The following KCNJ8 variants were observed in gnomAD, a reference collection of about 807,000 sequenced individuals.
KCNJ8 encodes potassium inwardly rectifying channel subfamily J member 8, also known as ATP-sensitive inward rectifier potassium channel 8.
In KCNJ8, 13 loss-of-function variants were observed where a neutral mutation model predicts 28.2. That is an observed-to-expected ratio of 0.46 (90% confidence interval 0.30 to 0.73). KCNJ8 has a LOEUF of 0.73. Among genes scored for constraint, KCNJ8 ranks in the 30% least tolerant of loss-of-function variants. The pLI, the probability that KCNJ8 is intolerant of heterozygous loss-of-function variation, is 0.07. For missense variants in KCNJ8, 284 were observed against 542.6 expected (o/e 0.52, Z 4.73); for synonymous variants, 188 against 195.9 (o/e 0.96, Z 0.34).
chr12:21,772,259 A>G (rs1459295876), intron 2 of KCNJ8, among the ~76,000 whole-genome samples: 3 of 152,182 alleles, frequency 2.0e-5, no homozygotes, highest in Non-Finnish European at 2.9e-5. Context: ...TGCTTTGTGA[A>G]TTATGTGAAT....
At chr12:21,768,452 G>C (rs1238125306) in intron 2 of KCNJ8, among the ~76,000 whole-genome samples, 1 of 152,182 alleles carries the variant, frequency 6.6e-6, no homozygotes, top group Non-Finnish European at 1.5e-5. Context: ...CCTATTCCCT[G>C]AGACACAGCA....
chr12:21,773,497 G>T lies in KCNJ8; in HGVS notation c.120C>A (p.Ser40Arg). The T allele has an allele frequency of 6.2e-7, 1 of 1,614,260 alleles. No individual in the cohort carries two copies. The highest frequency in any genetic ancestry group is 8.5e-7 in the Non-Finnish European group (1 of 1,180,050). The change falls in exon 2 of 3, where the codon AGC (serine) becomes AGA (arginine). Residue 40 changes from serine (S) to arginine (R), a missense_variant. Ser to Arg is a moderately radical substitution (Grantham distance 110). Around this residue, in one of 8 missense-constraint regions of KCNJ8, gnomAD observed 54 missense variants for 77.5 expected, o/e 0.70. Coordinates refer to ENST00000240662, the MANE Select transcript of KCNJ8 (RefSeq NM_004982.4). The surrounding 1 kb of genome is among the most constrained non-coding windows in gnomAD (Gnocchi z 4.6). ...RLPKARFIAK[S>R]GACNLAHKNI... ...TCTTATGCGCCAGGTTGCAGGCCCCGCTCTTGGCGATGAAGCGGGCTTTGG... is the reference window on the plus strand; with the variant it reads ...TCTTATGCGCCAGGTTGCAGGCCCCTCTCTTGGCGATGAAGCGGGCTTTGG...
At position 21,773,501 on chromosome 12, in the gene KCNJ8, T is replaced by A; in HGVS notation, c.116A>T (p.Lys39Met). 1.9e-6 allele frequency: 3 copies of A among 1,614,280 alleles called. No homozygotes were observed. The highest frequency in any genetic ancestry group is 2.5e-6 in the Non-Finnish European group (3 of 1,180,046). ...ATGCGCCAGGTTGCAGGCCCCGCTC[T>A]TGGCGATGAAGCGGGCTTTGGGGAG... Reference protein sequence around the residue: ...DRLPKARFIAKSGACNLAHKN... With the variant: ...DRLPKARFIAMSGACNLAHKN... The change falls in exon 2 of 3, where the codon AAG becomes ATG. Residue 39 changes from lysine (K) to methionine (M), a missense_variant. Around this residue, in one of 8 missense-constraint regions of KCNJ8, gnomAD observed 54 missense variants for 77.5 expected, o/e 0.70. Coordinates refer to ENST00000240662, the MANE Select transcript of KCNJ8 (RefSeq NM_004982.4). This position sits in a 1 kb window ranked among gnomAD's most constrained non-coding sequence, Gnocchi z 4.6.
At position 21,773,175 on chromosome 12, in the gene KCNJ8, G is replaced by C; in HGVS notation, c.374+68C>G. 6 of 1,527,328 alleles carry C rather than the reference G, an allele frequency of 3.9e-6. No individual in the cohort carries two copies. Among genetic ancestry groups the C allele is most frequent in the Non-Finnish European group, 5.4e-6 (6 of 1,111,044 alleles). The allele number at this position is 1,527,328 out of a possible 1,614,324, so 94.6% of individuals were successfully genotyped here. Reference sequence around the variant, plus strand: ...TTTCAATTAAATAACAGAATGATAAGAGAAAGGGCATTTTGACATTTTTTC... The same window carrying C: ...TTTCAATTAAATAACAGAATGATAACAGAAAGGGCATTTTGACATTTTTTC... On this transcript the variant is annotated intron_variant, in intron 2 of 2. Coordinates refer to ENST00000240662, the MANE Select transcript of KCNJ8 (RefSeq NM_004982.4). This position sits in a 1 kb window ranked among gnomAD's most constrained non-coding sequence, Gnocchi z 4.6.
At chr12:21,771,437 T>G (rs1303260503) in intron 2 of KCNJ8, among the ~76,000 whole-genome samples, 2 of 152,186 alleles carry the variant, frequency 1.3e-5, no homozygotes, top group Non-Finnish European at 2.9e-5. Context: ...TATTGGTCTA[T>G]TTTTTGACTC....
chr12:21,774,235 T>G (rs1940833974), intron 1 of KCNJ8, among the ~76,000 whole-genome samples: 1 of 152,102 alleles, frequency 6.6e-6, no homozygotes, highest in African/African-American at 2.4e-5. Flanking sequence ...AATTTATAAG[T>G]TATAAGAATT....
Position 21,766,343 on chromosome 12 carries a change from T to A in KCNJ8, c.655A>T (p.Met219Leu). Residue 219 changes from methionine to leucine, a missense_variant, in exon 3 of 3, where the codon ATG becomes TTG. By Grantham distance (15) the Met-to-Leu change is conservative. Coordinates refer to ENST00000240662, the MANE Select transcript of KCNJ8 (RefSeq NM_004982.4). This position sits in a 1 kb window ranked among gnomAD's most constrained non-coding sequence, Gnocchi z 6.5. ...MFRVGDLRKS[M>L]IISASVRIQV... ...ATGCGCACAGAGGCACTAATGATCA[T>A]GCTTTTCCTCAGGTCACCCACTCGG... The A allele has an allele frequency of 6.2e-7, 1 of 1,614,214 alleles. No individual in the cohort carries two copies. The highest frequency in any genetic ancestry group is 8.5e-7 in the Non-Finnish European group (1 of 1,180,038).
At chr12:21,767,967 T>G (rs1053580851) in intron 2 of KCNJ8, among the ~76,000 whole-genome samples, 3 of 152,094 alleles carry the variant, frequency 2.0e-5, no homozygotes, top group Non-Finnish European at 2.9e-5. Flanking sequence ...ATATTTGATG[T>G]CATTATTGTA....
chr12:21,771,397 AG>A (rs1251013012), intron 2 of KCNJ8, among the ~76,000 whole-genome samples: 1 of 152,226 alleles, frequency 6.6e-6, no homozygotes, highest in Non-Finnish European at 1.5e-5. Flanking sequence ...AGAAAGAGGT[AG>A]GCTGGATAAT....
chr12:21,769,771 T>A (rs1235084224), intron 2 of KCNJ8, among the ~76,000 whole-genome samples: 2 of 152,148 alleles, frequency 1.3e-5, no homozygotes, highest in African/African-American at 4.8e-5. Context: ...GCACATGTGG[T>A]AGAAATAGCA....
At position 21,773,447 on chromosome 12, in the gene KCNJ8, A is replaced by G. The variant is rs1214144938; in HGVS notation, c.170T>C (p.Leu57Pro). 1 of 1,614,276 alleles carries G rather than the reference A, an allele frequency of 6.2e-7. No individual in the cohort carries two copies. The change falls in exon 2 of 3, where the codon CTA becomes CCA. Residue 57 changes from leucine (L) to proline (P), a missense_variant. Physicochemically the swap from Leu to Pro is moderately conservative, Grantham distance 98 (BLOSUM62 -3). Transcript: ENST00000240662. The surrounding 1 kb of genome is among the most constrained non-coding windows in gnomAD (Gnocchi z 4.6). ...HKNIREQGRF[L>P]QDIFTTLVDL... ...CACCAAGGTGGTGAAGATGTCCTGT[A>G]GAAAGCGTCCTTGCTCACGGATGTT...
chr12:21,771,737 A>G (rs1452939063), intron 2 of KCNJ8, among the ~76,000 whole-genome samples: 1 of 152,158 alleles, frequency 6.6e-6, no homozygotes, highest in Admixed American at 6.5e-5. Flanking sequence ...GTATCATATA[A>G]TTTAGATTAA....
In KCNJ8 at chr12:21,766,573, C is replaced by G. The variant is rs761243443; in HGVS notation, c.425G>C (p.Gly142Ala). ...LFSIEVQVTI[G>A]FGGRMMTEEC... ...CTCTGTCATCATCCTCCCTCCAAACCCAATGGTAACTTGAACTTCAATGGA... is the reference window on the plus strand; with the variant it reads ...CTCTGTCATCATCCTCCCTCCAAACGCAATGGTAACTTGAACTTCAATGGA... The change falls in exon 3 of 3, where the codon GGG becomes GCG. Residue 142 changes from glycine to alanine, a missense_variant. Physicochemically the swap from Gly to Ala is moderately conservative, Grantham distance 60. This residue lies in a region of KCNJ8 where 5 missense variants were observed against 29.1 expected (regional missense o/e 0.17). Coordinates refer to ENST00000240662, the MANE Select transcript of KCNJ8 (RefSeq NM_004982.4). The surrounding 1 kb of genome is among the most constrained non-coding windows in gnomAD (Gnocchi z 6.5). 1 of 1,605,066 alleles carries G rather than the reference C, an allele frequency of 6.2e-7. No individual in the cohort carries two copies.
intron 2 of KCNJ8, among the ~76,000 whole-genome samples, chr12:21,770,057 A>G (rs1940722260): frequency 6.6e-6 from 1 of 152,248 alleles, no homozygotes; most frequent in Non-Finnish European, 1.5e-5. Context: ...AAATGCTATC[A>G]AACAGCATCA....
intron 2 of KCNJ8, among the ~76,000 whole-genome samples, chr12:21,772,123 G>A (rs1363565110): frequency 6.6e-6 from 1 of 152,072 alleles, no homozygotes; most frequent in Non-Finnish European, 1.5e-5. Flanking sequence ...CAAATGGAAG[G>A]GTGGACAAGT....
rs1022944749 is a variant in KCNJ8 at position 21,772,970 on chromosome 12, T to C, written c.374+273A>G. 8.5e-5 allele frequency among the ~76,000 whole-genome samples: 13 copies of C among 152,166 alleles called. No individual in the cohort carries two copies. The East Asian group carries it at 9.6e-4, about 11-fold the overall frequency. On this transcript the variant is annotated intron_variant, in intron 2 of 2. Coordinates refer to ENST00000240662, the MANE Select transcript of KCNJ8 (RefSeq NM_004982.4). Reference sequence around the variant, plus strand: ...AAAGCACTCTGTGTAATCCTTTGAATTACAATTTTTTTTTGATAACTGGTA... The same window carrying C: ...AAAGCACTCTGTGTAATCCTTTGAACTACAATTTTTTTTTGATAACTGGTA...
rs1940824407 is a variant in KCNJ8 at position 21,773,922 on chromosome 12, ACATAGC to A, written c.-70-242_-70-237del. On this transcript the variant is annotated intron_variant, in intron 1 of 2. Coordinates refer to ENST00000240662, the MANE Select transcript of KCNJ8 (RefSeq NM_004982.4). The surrounding 1 kb of genome is among the most constrained non-coding windows in gnomAD (Gnocchi z 4.6). ...TTTTTCTTATTCTGAGTACATATGG[ACATAGC>A]CTTAGTTAAACAAAACCAGGAGCCT... is the stretch of plus-strand genomic sequence containing the variant. Among the ~76,000 whole-genome samples the A allele has an allele frequency of 6.6e-6, 1 of 151,990 alleles. No individual in the cohort carries two copies. Among genetic ancestry groups the A allele is most frequent in the African/African-American group, 2.4e-5 (1 of 41,222 alleles).
Position 21,773,132 on chromosome 12 carries a change from A to G in KCNJ8, c.374+111T>C, listed in dbSNP as rs1940799608. The G allele has an allele frequency of 7.7e-7, 1 of 1,305,172 alleles. No homozygotes were observed. Among genetic ancestry groups the G allele is most frequent in the African/African-American group, 1.5e-5 (1 of 68,784 alleles). 80.8% of individuals were successfully genotyped at this position (1,305,172 alleles called of 1,614,324 possible). A position where few individuals can be genotyped will look rare whatever the true frequency, so the allele number is the denominator to read the frequency against. On this transcript the variant is annotated intron_variant, in intron 2 of 2. Coordinates refer to ENST00000240662, the MANE Select transcript of KCNJ8 (RefSeq NM_004982.4). This position sits in a 1 kb window ranked among gnomAD's most constrained non-coding sequence, Gnocchi z 4.6. ...CTTTTTTGTTTCTGAAGATTCTAAA[A>G]CAAACCCTTTATTTCACTTTCAATT... is the stretch of plus-strand genomic sequence containing the variant.
intron 1 of KCNJ8, among the ~76,000 whole-genome samples, chr12:21,774,219 C>CTA (rs1940833395): frequency 6.6e-6 from 1 of 151,316 alleles, no homozygotes; most frequent in Non-Finnish European, 1.5e-5. Context: ...AAGTGGTGTG[C>CTA]TATAGAATTT....
Sources: allele counts gnomAD v4.1 joint callset (sites outside exome capture counted in the v4.1 genomes callset), GRCh38; gene constraint gnomAD v4.1.1; regional missense constraint gnomAD v4.1.1; non-coding constraint Gnocchi (gnomAD v3.1); transcripts MANE v1.5; gene names NCBI Gene and HGNC (gene_info 2026-07-23, HGNC 2026-07-21).